The following DGKB variants were observed in gnomAD, a reference collection of about 807,000 sequenced individuals.
The protein encoded by DGKB is 90 kDa diacylglycerol kinase.
DGKB carries 67 observed loss-of-function variants against 114.3 expected under a neutral mutation model. That is an observed-to-expected ratio of 0.59 (90% confidence interval 0.48 to 0.72). DGKB has a LOEUF of 0.72. Among genes scored for constraint, DGKB ranks in the 30% least tolerant of loss-of-function variants. The pLI is 0.00. For missense variants in DGKB, 907 were observed against 975.2 expected (o/e 0.93, Z 0.93); for synonymous variants, 398 against 323.1 (o/e 1.23, Z -2.49).
chr7:14,545,279 C>T (rs1295031291), intron 20 of DGKB, among the ~76,000 whole-genome samples: 3 of 152,084 alleles, frequency 2.0e-5, no homozygotes, highest in African/African-American at 7.2e-5. Context: ...CCACTGAAGT[C>T]TATATGATGA....
chr7:14,665,571 A>G lies in DGKB; in HGVS notation c.1134+7358T>C, dbSNP rs887508366. On this transcript the variant is annotated intron_variant, in intron 13 of 25. Transcript: ENST00000402815. ...CTAAATTATAACACAAAATGTGTACATACAGAAAACAAAACTAAATCATGG... is the reference window on the plus strand; with the variant it reads ...CTAAATTATAACACAAAATGTGTACGTACAGAAAACAAAACTAAATCATGG... 8.5e-5 allele frequency among the ~76,000 whole-genome samples: 13 copies of G among 152,084 alleles called. 1 individual carries two copies. Among genetic ancestry groups the G allele is most frequent in the Admixed American group, 8.5e-4 (13 of 15,214 alleles).
chr7:14,643,577 C>G lies in DGKB; in HGVS notation c.1135-13309G>C, dbSNP rs1023085977. 3.9e-5 allele frequency among the ~76,000 whole-genome samples: 6 copies of G among 152,092 alleles called. No individual in the cohort carries two copies. In the East Asian group the frequency reaches 7.7e-4, roughly 20 times the overall value. On this transcript the variant is annotated intron_variant, in intron 13 of 25. Transcript: ENST00000402815. ...TGGAACTGGTGGTACAACTGTGTTC[C>G]CAGCATCTGAGCCCATGTAGCTCCC...
intron 2 of DGKB, among the ~76,000 whole-genome samples, chr7:14,768,932 A>G (rs953923061): frequency 6.6e-6 from 1 of 151,986 alleles, no homozygotes; most frequent in African/African-American, 2.4e-5. Context: ...CTATCAAATT[A>G]AAAAATACCT....
At position 14,379,794 on chromosome 7, in the gene DGKB, G is replaced by A. The variant is rs575716427; in HGVS notation, c.1836-34403C>T. On this transcript the variant is annotated intron_variant, in intron 21 of 25. Transcript: ENST00000402815. ...AGGATGGTCTTGATCTCCTGACCTCGTGATCTGCCCGCCTCGGCCTCCCAA... is the reference window on the plus strand; with the variant it reads ...AGGATGGTCTTGATCTCCTGACCTCATGATCTGCCCGCCTCGGCCTCCCAA... Among the ~76,000 whole-genome samples, 90 of 152,104 alleles carry A rather than the reference G, an allele frequency of 5.9e-4. 3 individuals carry two copies. In the South Asian group the frequency reaches 0.016, roughly 27 times the overall value.
intron 2 of DGKB, among the ~76,000 whole-genome samples, chr7:14,793,915 A>G (rs570949952): frequency 2.0e-5 from 3 of 152,200 alleles, no homozygotes; most frequent in African/African-American, 7.2e-5. Flanking sequence ...GTAAGACAGA[A>G]GGTACAGGAA....
chr7:14,802,168 TATAAAG>T (rs1409298392), intron 2 of DGKB, among the ~76,000 whole-genome samples: 1 of 152,146 alleles, frequency 6.6e-6, no homozygotes, highest in Non-Finnish European at 1.5e-5. Flanking sequence ...TATTACAAAC[TATAAAG>T]ATAATTTTAA....
intron 23 of DGKB, among the ~76,000 whole-genome samples, chr7:14,211,339 TTTTACTCTCATGTTTTGTGATA>T (rs1787802779): frequency 1.9e-5 from 1 of 52,230 alleles, no homozygotes; most frequent in Admixed American, 2.0e-4. Flanking sequence ...TGTTTTGTGA[TTTTACTCTCATGTTTTGTGATA>T]TTTACTCTCG....
At chr7:14,755,109 GT>G (rs1405824910) in intron 3 of DGKB, among the ~76,000 whole-genome samples, 5 of 151,986 alleles carry the variant, frequency 3.3e-5, no homozygotes, top group Non-Finnish European at 7.4e-5. Flanking sequence ...CCTTTGAATG[GT>G]TTTTATTCCT....
intron 2 of DGKB, among the ~76,000 whole-genome samples, chr7:14,790,843 A>C (rs1201126464): frequency 1.3e-5 from 2 of 152,230 alleles, no homozygotes; most frequent in Non-Finnish European, 2.9e-5. Context: ...TCTGCCAAAA[A>C]AAATTCCTGG....
At position 14,394,590 on chromosome 7, in the gene DGKB, A is replaced by T. The variant is rs187723922; in HGVS notation, c.1836-49199T>A. On this transcript the variant is annotated intron_variant, in intron 21 of 25. Coordinates refer to ENST00000402815, the MANE Select transcript of DGKB (RefSeq NM_001350709.2). Reference sequence around the variant, plus strand: ...GCATAACCTTTTCTAGCTTCAACCCATCGAACATGAATGCCATGTAAGTTG... The same window carrying T: ...GCATAACCTTTTCTAGCTTCAACCCTTCGAACATGAATGCCATGTAAGTTG... Among the ~76,000 whole-genome samples, 807 of 152,156 alleles carry T rather than the reference A, an allele frequency of 5.3e-3. 3 individuals carry two copies. Among genetic ancestry groups the T allele is most frequent in the Middle Eastern group, 0.02 (6 of 294 alleles).
At chr7:14,790,935 T>C (rs571798094) in intron 2 of DGKB, among the ~76,000 whole-genome samples, 1 of 152,278 alleles carries the variant, frequency 6.6e-6, no homozygotes, top group South Asian at 2.1e-4. Flanking sequence ...CTCCCAACCA[T>C]GAATTGTATA....
chr7:14,591,153 A>C (rs750941544), intron 17 of DGKB, among the ~76,000 whole-genome samples: 7 of 152,134 alleles, frequency 4.6e-5, no homozygotes, highest in Non-Finnish European at 7.4e-5. Flanking sequence ...GATGAGGAGC[A>C]GCTGTGAGGC....
At chr7:14,430,588 G>T (rs1828309334) in intron 21 of DGKB, among the ~76,000 whole-genome samples, 1 of 152,084 alleles carries the variant, frequency 6.6e-6, no homozygotes, top group Non-Finnish European at 1.5e-5. Flanking sequence ...CTAACACATT[G>T]ATTCCGTAAA....
At chr7:14,883,219 C>T (rs1854508738) in intron 1 of DGKB, among the ~76,000 whole-genome samples, 1 of 151,872 alleles carries the variant, frequency 6.6e-6, no homozygotes, top group Admixed American at 6.6e-5. Context: ...TTTACTTATA[C>T]ATTTTACATA....
intron 18 of DGKB, among the ~76,000 whole-genome samples, chr7:14,582,426 C>T (rs977033859): frequency 2.0e-5 from 3 of 152,112 alleles, no homozygotes; most frequent in Non-Finnish European, 2.9e-5. Flanking sequence ...AATAGAGAGG[C>T]AATATAGAAT....
At chr7:14,660,047 G>A (rs970983025) in intron 13 of DGKB, among the ~76,000 whole-genome samples, 83 of 151,220 alleles carry the variant, frequency 5.5e-4, no homozygotes, top group African/African-American at 1.8e-3. Flanking sequence ...ATTGATTTGC[G>A]TGTATTGAAC....
intron 2 of DGKB, among the ~76,000 whole-genome samples, chr7:14,825,799 T>C (rs1222695462): frequency 6.6e-6 from 1 of 152,236 alleles, no homozygotes; most frequent in African/African-American, 2.4e-5. Context: ...TCCAGGCAAT[T>C]TTTCCCTTCC....
chr7:14,323,230 A>G (rs1025496282), intron 23 of DGKB, among the ~76,000 whole-genome samples: 1 of 152,218 alleles, frequency 6.6e-6, no homozygotes, highest in African/African-American at 2.4e-5. Flanking sequence ...TATAAAATAT[A>G]AAAACCAGAA....
At chr7:14,870,542 A>G (rs1467136547) in intron 1 of DGKB, among the ~76,000 whole-genome samples, 1 of 152,204 alleles carries the variant, frequency 6.6e-6, no homozygotes, top group East Asian at 1.9e-4. Context: ...TCATGCCTGT[A>G]ATCCCAGCAC....
Sources: gnomAD v4.1 joint callset for allele counts (sites outside exome capture counted in the v4.1 genomes callset) on GRCh38, gnomAD v4.1.1 for gene constraint, MANE v1.5 for transcripts, NCBI Gene and HGNC (gene_info 2026-07-23, HGNC 2026-07-21) for gene names.